Variants in TNFAIP8 observed in about 807,000 individuals in gnomAD.
TNFAIP8 encodes TNF alpha induced protein 8.
TNFAIP8 carries 7 observed loss-of-function variants against 13.3 expected under a neutral mutation model. The observed-to-expected ratio is 0.52, with a 90% confidence interval of 0.30 to 0.99. The LOEUF (loss-of-function observed/expected upper bound fraction) is 0.99. TNFAIP8 is among the 50% of genes least tolerant of loss of function. The pLI is 0.07. For synonymous variants in TNFAIP8, 94 were observed against 87.6 expected (o/e 1.07, Z -0.41); for missense variants, 258 against 236.9 (o/e 1.09, Z -0.58).
At chr5:119,275,761 A>G (rs955180145) in intron 1 of TNFAIP8, among the ~76,000 whole-genome samples, 2 of 152,228 alleles carry the variant, frequency 1.3e-5, no homozygotes, top group Non-Finnish European at 2.9e-5. Context: ...CATGGAAATT[A>G]GAATAATAAA....
chr5:119,348,451 C>T (rs142989456), intron 1 of TNFAIP8, among the ~76,000 whole-genome samples: 66 of 152,264 alleles, frequency 4.3e-4, no homozygotes, highest in African/African-American at 1.5e-3. Context: ...CAGGAACTTT[C>T]TAACGGTTAG....
At chr5:119,375,883 C>T (rs1752258601) in intron 1 of TNFAIP8, among the ~76,000 whole-genome samples, 2 of 151,996 alleles carry the variant, frequency 1.3e-5, no homozygotes, top group Non-Finnish European at 2.9e-5. Context: ...TTTCTTATGA[C>T]TTAAACCTAA....
In TNFAIP8 at chr5:119,395,522, A is replaced by G. The variant is rs1385032407; in HGVS notation, c.*2141A>G. 1 of 152,318 alleles carries G rather than the reference A, an allele frequency of 6.6e-6. No homozygotes were observed. The highest frequency in any genetic ancestry group is 1.5e-5 in the Non-Finnish European group (1 of 68,120). 9.4% of individuals were successfully genotyped at this position (152,318 alleles called of 1,614,324 possible). On this transcript the variant is annotated 3_prime_UTR_variant, in exon 2 of 2. Coordinates refer to ENST00000504771, the MANE Select transcript of TNFAIP8 (RefSeq NM_014350.4). ...ACACACTGGATCATAGGGTTGTGCC[A>G]GCAGGCTAGCAATCAAATGTGCATG...
rs780621138 is a variant in TNFAIP8, at chr5:119,359,606, T to C, written c.31+3485T>C. Among the ~76,000 whole-genome samples the C allele has an allele frequency of 1.2e-3, 185 of 152,212 alleles. 3 individuals are homozygous for C. The highest frequency in any genetic ancestry group is 2.2e-4 in the Non-Finnish European group (15 of 68,032). ...CGTAGTGGTGATTAATATCCTCTTC[T>C]GTAATAAGAATCCCAATGATATTTT... On this transcript the variant is annotated intron_variant, in intron 1 of 1. Transcript: ENST00000504771.
At chr5:119,278,996 G>C (rs1050413163) in intron 1 of TNFAIP8, among the ~76,000 whole-genome samples, 1 of 152,126 alleles carries the variant, frequency 6.6e-6, no homozygotes, top group Non-Finnish European at 1.5e-5. Context: ...ATCATATAGA[G>C]AATTCCTTAA....
chr5:119,381,609 CTG>C (rs1752487804), intron 1 of TNFAIP8, among the ~76,000 whole-genome samples: 1 of 151,882 alleles, frequency 6.6e-6, no homozygotes. Flanking sequence ...GGCCATTCCC[CTG>C]TCTCTTTTTC....
At chr5:119,354,509 C>T (rs1345882501), upstream of TNFAIP8, 1 of 152,086 alleles carries the variant, frequency 6.6e-6, no homozygotes, top group Non-Finnish European at 1.5e-5. Context: ...GCACTCTTTT[C>T]TGTTCAAAGT....
intron 1 of TNFAIP8, among the ~76,000 whole-genome samples, chr5:119,285,287 GA>G (rs1748745984): frequency 6.6e-6 from 1 of 152,156 alleles, no homozygotes; most frequent in Non-Finnish European, 1.5e-5. Flanking sequence ...CCCTCAGTGT[GA>G]AAATTCTGTA....
rs79256894 is a variant in TNFAIP8, at chr5:119,285,904, A to T, written c.1+16997A>T. On this transcript the variant is annotated intron_variant, in intron 1 of 1. Coordinates refer to the TNFAIP8 transcript ENST00000274456. ...GATCTCCAAGACAGATTAACTTAAA[A>T]AACAAAATACTGATCTCATTATGTG... Among the ~76,000 whole-genome samples, 958 of 152,350 alleles carry T rather than the reference A, an allele frequency of 6.3e-3. 13 individuals are homozygous for T. The highest frequency in any genetic ancestry group is 0.062 in the East Asian group (320 of 5,184).
At chr5:119,312,203 T>C (rs1749752342) in intron 1 of TNFAIP8, among the ~76,000 whole-genome samples, 1 of 151,600 alleles carries the variant, frequency 6.6e-6, no homozygotes, top group Non-Finnish European at 1.5e-5. Flanking sequence ...TGGGGAGGAG[T>C]CTGGTTTGAC....
intron 1 of TNFAIP8, among the ~76,000 whole-genome samples, chr5:119,314,199 AAAC>A (rs397837204): frequency 2.6e-5 from 4 of 151,822 alleles, no homozygotes; most frequent in African/African-American, 7.3e-5. Flanking sequence ...ACAAACAAAC[AAAC>A]AAAAAAACCA....
intron 1 of TNFAIP8, among the ~76,000 whole-genome samples, chr5:119,370,672 A>G (rs1375695283): frequency 6.6e-6 from 1 of 152,230 alleles, no homozygotes; most frequent in Non-Finnish European, 1.5e-5. Flanking sequence ...ATGACCCAAC[A>G]TCAGTCTGCA....
At chr5:119,288,479 A>C (rs1364500475) in intron 1 of TNFAIP8, among the ~76,000 whole-genome samples, 1 of 152,220 alleles carries the variant, frequency 6.6e-6, no homozygotes, top group Non-Finnish European at 1.5e-5. Context: ...AATGGGATTA[A>C]GGTCTTGAGC....
chr5:119,308,305 T>A (rs548170928), intron 1 of TNFAIP8, among the ~76,000 whole-genome samples: 49 of 152,274 alleles, frequency 3.2e-4, no homozygotes, highest in African/African-American at 1.1e-3. Context: ...GGCTTGGTGT[T>A]GGCAAGTTTT....
At chr5:119,290,859 T>A (rs1748961060) in intron 1 of TNFAIP8, among the ~76,000 whole-genome samples, 1 of 152,150 alleles carries the variant, frequency 6.6e-6, no homozygotes, top group Non-Finnish European at 1.5e-5. Flanking sequence ...TGTCAGTGTG[T>A]TCAAGGGACA....
chr5:119,398,539 G>A lies in TNFAIP8; in HGVS notation c.*5158G>A, dbSNP rs1252111156. 6.6e-6 allele frequency: 1 copy of A among 152,208 alleles called. No individual in the cohort carries two copies. The highest frequency in any genetic ancestry group is 1.5e-5 in the Non-Finnish European group (1 of 68,152). The allele number at this position is 152,208 out of a possible 1,614,324, so 9.4% of individuals were successfully genotyped here. On this transcript the variant is annotated 3_prime_UTR_variant, in exon 2 of 2. Coordinates refer to ENST00000504771, the MANE Select transcript of TNFAIP8 (RefSeq NM_014350.4). ...CTACTAAAAATACAAAATTAGCCGG[G>A]TGCAGTGCCACATGCCTGTAATCCC...
rs1010705081 is a variant in TNFAIP8, at chr5:119,335,390, G to A, written c.2-57426G>A. ...CATGGCATGACTGCTGAGAATGCTG[G>A]GTGTAAATGTCCATCAGCTTAAGGT... is the stretch of plus-strand genomic sequence containing the variant. On this transcript the variant is annotated intron_variant, in intron 1 of 1. Transcript: ENST00000274456. 5.3e-5 allele frequency among the ~76,000 whole-genome samples: 8 copies of A among 152,112 alleles called. No homozygotes were observed. In the East Asian group the frequency reaches 1.2e-3, roughly 22 times the overall value.
At chr5:119,308,132 T>A (rs2112664954) in intron 1 of TNFAIP8, among the ~76,000 whole-genome samples, 1 of 152,350 alleles carries the variant, frequency 6.6e-6, no homozygotes, top group East Asian at 1.9e-4. Context: ...GCCCAACTGA[T>A]AATTGATATT....
At chr5:119,366,194 A>G (rs1751850758) in intron 1 of TNFAIP8, among the ~76,000 whole-genome samples, 2 of 152,104 alleles carry the variant, frequency 1.3e-5, no homozygotes, top group Non-Finnish European at 2.9e-5. Context: ...AGTGACCAGC[A>G]GTATAATAGG....
Sources: allele counts gnomAD v4.1 joint callset (sites outside exome capture counted in the v4.1 genomes callset), GRCh38; gene constraint gnomAD v4.1.1; transcripts MANE v1.5; gene names NCBI Gene and HGNC (gene_info 2026-07-23, HGNC 2026-07-21).